Variants in CCSER1 observed in about 807,000 individuals in gnomAD.
CCSER1 encodes the protein serine-rich coiled-coil domain-containing protein 1.
A neutral mutation model predicts 82.0 loss-of-function variants in CCSER1; 41 were observed. The observed-to-expected ratio is 0.50, with a 90% confidence interval of 0.39 to 0.65. The LOEUF is 0.65. Among genes scored for constraint, CCSER1 ranks in the 30% least tolerant of loss-of-function variants. The probability of loss-of-function intolerance (pLI) is 0.00; values close to 1 mark genes in which losing one functional copy is unlikely to be tolerated. For synonymous variants in CCSER1, 414 were observed against 383.9 expected (o/e 1.08, Z -0.92); for missense variants, 1,119 against 1,064.2 (o/e 1.05, Z -0.72).
intron 10 of CCSER1, among the ~76,000 whole-genome samples, chr4:91,170,975 T>C (rs1320798265): frequency 6.6e-6 from 1 of 152,228 alleles, no homozygotes; most frequent in Non-Finnish European, 1.5e-5. Context: ...GCTGGCCACA[T>C]GTCCTCTCCT....
At chr4:90,297,470 T>C (rs1269711562) in intron 1 of CCSER1, among the ~76,000 whole-genome samples, 1 of 151,882 alleles carries the variant, frequency 6.6e-6, no homozygotes, top group African/African-American at 2.4e-5. Flanking sequence ...CTTTTCCTAA[T>C]TGAATGCCCT....
At chr4:90,173,804 G>A (rs1732178745) in intron 1 of CCSER1, among the ~76,000 whole-genome samples, 1 of 151,938 alleles carries the variant, frequency 6.6e-6, no homozygotes, top group South Asian at 2.1e-4. Flanking sequence ...TCACTTAAGA[G>A]TGGCTGGCTG....
At chr4:90,383,884 C>T (rs963512389) in intron 3 of CCSER1, among the ~76,000 whole-genome samples, 4 of 151,884 alleles carry the variant, frequency 2.6e-5, no homozygotes, top group African/African-American at 9.7e-5. Context: ...GGCCTGTGTC[C>T]TGCCACCATG....
intron 1 of CCSER1, among the ~76,000 whole-genome samples, chr4:90,188,979 G>A (rs1288345259): frequency 2.6e-5 from 4 of 151,942 alleles, no homozygotes; most frequent in Admixed American, 6.6e-5. Flanking sequence ...CTTGAGGGGT[G>A]TAGATATGAA....
intron 10 of CCSER1, among the ~76,000 whole-genome samples, chr4:91,203,856 T>G (rs1373088181): frequency 1.3e-5 from 2 of 151,858 alleles, no homozygotes; most frequent in Non-Finnish European, 2.9e-5. Flanking sequence ...GAATCTACAG[T>G]TCATTAGATC....
At chr4:90,446,498 A>G (rs1560529933) in intron 4 of CCSER1, among the ~76,000 whole-genome samples, 1 of 152,132 alleles carries the variant, frequency 6.6e-6, no homozygotes, top group Non-Finnish European at 1.5e-5. Flanking sequence ...TTTGATACTT[A>G]TTCTTTTTAT....
intron 6 of CCSER1, among the ~76,000 whole-genome samples, chr4:90,716,057 A>AAT (rs963813139): frequency 1.3e-5 from 2 of 151,266 alleles, no homozygotes; most frequent in East Asian, 1.9e-4. Context: ...GTTTAATAAT[A>AAT]ATATATATAT....
chr4:90,232,050 A>G (rs997974760), intron 1 of CCSER1, among the ~76,000 whole-genome samples: 7 of 152,204 alleles, frequency 4.6e-5, no homozygotes, highest in African/African-American at 1.7e-4. Context: ...ATTCTGCCCA[A>G]GGTAATTTAT....
chr4:91,187,354 A>C (rs903583426), intron 10 of CCSER1, among the ~76,000 whole-genome samples: 1 of 152,196 alleles, frequency 6.6e-6, no homozygotes, highest in East Asian at 1.9e-4. Context: ...AGTATTAATC[A>C]TAGGATTTTA....
chr4:91,319,107 AC>A, intron 10 of CCSER1: 1 of 285,222 alleles, frequency 3.5e-6, no homozygotes, highest in South Asian at 3.1e-5. Context: ...ATTAAGACAG[AC>A]GGTATCAGCT....
chr4:91,354,029 T>A (rs1340447371), intron 10 of CCSER1, among the ~76,000 whole-genome samples: 1 of 152,214 alleles, frequency 6.6e-6, no homozygotes, highest in Non-Finnish European at 1.5e-5. Context: ...TGTTAGCAAG[T>A]AGTAAGAGCT....
intron 1 of CCSER1, among the ~76,000 whole-genome samples, chr4:90,228,675 G>A (rs751717273): frequency 9.9e-5 from 15 of 152,200 alleles, no homozygotes; most frequent in African/African-American, 1.7e-4. Context: ...ATTACTCCGA[G>A]CTACAGGAGG....
intron 5 of CCSER1, among the ~76,000 whole-genome samples, chr4:90,470,566 G>C (rs932887633): frequency 6.6e-6 from 1 of 151,932 alleles, no homozygotes; most frequent in Non-Finnish European, 1.5e-5. Context: ...GTACAGTTTT[G>C]GTTCTCAAAT....
chr4:91,134,109 T>C (rs1728247374), intron 10 of CCSER1, among the ~76,000 whole-genome samples: 1 of 151,610 alleles, frequency 6.6e-6, no homozygotes, highest in Non-Finnish European at 1.5e-5. Flanking sequence ...AAAAAAAGAG[T>C]AGTGCTCAAA....
At chr4:90,992,925 A>G (rs1406051458) in intron 9 of CCSER1, among the ~76,000 whole-genome samples, 1 of 151,954 alleles carries the variant, frequency 6.6e-6, no homozygotes, top group Non-Finnish European at 1.5e-5. Flanking sequence ...CAAGTCACAG[A>G]TCCTTCCCAT....
At chr4:90,514,533 A>G (rs1238301396) in intron 5 of CCSER1, among the ~76,000 whole-genome samples, 1 of 152,140 alleles carries the variant, frequency 6.6e-6, no homozygotes, top group Admixed American at 6.6e-5. Flanking sequence ...AGGTGGGTGG[A>G]TCACCTGAGG....
chr4:90,827,487 A>C (rs1354033555), intron 8 of CCSER1, among the ~76,000 whole-genome samples: 1 of 152,126 alleles, frequency 6.6e-6, no homozygotes, highest in Non-Finnish European at 1.5e-5. Context: ...AAACAGAAAA[A>C]TTTATTTTAG....
At chr4:90,195,661 G>C (rs1736452455) in intron 1 of CCSER1, among the ~76,000 whole-genome samples, 2 of 151,946 alleles carry the variant, frequency 1.3e-5, no homozygotes, top group South Asian at 4.2e-4. Flanking sequence ...GGGGGTATAT[G>C]GGAAATCTCT....
rs376793593 is a variant in CCSER1 at position 91,166,036 on chromosome 4, G to A, written c.2217+80042G>A. Among the ~76,000 whole-genome samples the A allele has an allele frequency of 1.2e-3, 190 of 152,272 alleles. 1 individual carries two copies. Among genetic ancestry groups the A allele is most frequent in the South Asian group, 7.3e-3 (35 of 4,822 alleles). ...TTGATCACGCTGGGATCTGTAGATCGGATCTGTTCCTATTTGGCCATCTTG... is the reference window on the plus strand; with the variant it reads ...TTGATCACGCTGGGATCTGTAGATCAGATCTGTTCCTATTTGGCCATCTTG... On this transcript the variant is annotated intron_variant, in intron 10 of 10. Coordinates refer to ENST00000509176, the MANE Select transcript of CCSER1 (RefSeq NM_001145065.2).
Sources: gnomAD v4.1 joint callset for allele counts (sites outside exome capture counted in the v4.1 genomes callset) on GRCh38, gnomAD v4.1.1 for gene constraint, MANE v1.5 for transcripts, NCBI Gene and HGNC (gene_info 2026-07-23, HGNC 2026-07-21) for gene names.